PLCXD3: variants seen among roughly 807,000 people sequenced by gnomAD.
The protein encoded by PLCXD3 is PI-PLC X domain-containing protein 3.
PLCXD3 carries 19 observed loss-of-function variants against 25.5 expected under a neutral mutation model. The ratio of observed to expected loss-of-function variants is 0.75; its 90% confidence interval spans 0.52 to 1.09. The LOEUF (loss-of-function observed/expected upper bound fraction) is 1.09. Among genes scored for constraint, PLCXD3 ranks in the 50% least tolerant of loss-of-function variants. The probability of loss-of-function intolerance (pLI) is 0.00; values close to 1 mark genes in which losing one functional copy is unlikely to be tolerated. For missense variants in PLCXD3, 411 were observed against 388.1 expected, an observed-to-expected ratio of 1.06 and a Z score of -0.50; for synonymous variants, 174 against 137.6, an observed-to-expected ratio of 1.26 and a Z score of -1.85.
intron 1 of PLCXD3, among the ~76,000 whole-genome samples, chr5:41,474,787 A>T (rs777409030): frequency 2.0e-5 from 3 of 152,190 alleles, no homozygotes; most frequent in Non-Finnish European, 2.9e-5. Context: ...GACTACAGTA[A>T]TTCCCTGTAA....
At chr5:41,483,997 G>A (rs1748465887) in intron 1 of PLCXD3, among the ~76,000 whole-genome samples, 1 of 151,960 alleles carries the variant, frequency 6.6e-6, no homozygotes, top group African/African-American at 2.4e-5. Context: ...CTCATTTTGA[G>A]GAGGCAATTA....
chr5:41,459,324 T>TA (rs905110309), intron 1 of PLCXD3, among the ~76,000 whole-genome samples: 1 of 151,834 alleles, frequency 6.6e-6, no homozygotes, highest in Non-Finnish European at 1.5e-5. Context: ...AATGTTATTT[T>TA]AAAAAATCAT....
chr5:41,489,454 C>G (rs528017497), intron 1 of PLCXD3, among the ~76,000 whole-genome samples: 51 of 152,076 alleles, frequency 3.4e-4, no homozygotes, highest in African/African-American at 1.2e-3. Context: ...TAGTTTTTTC[C>G]AATTCTGTGA....
chr5:41,404,764 T>G (rs1265766428), intron 1 of PLCXD3, among the ~76,000 whole-genome samples: 1 of 152,170 alleles, frequency 6.6e-6, no homozygotes, highest in East Asian at 1.9e-4. Context: ...TAATCCCATT[T>G]CAAATTCTAC....
intron 1 of PLCXD3, among the ~76,000 whole-genome samples, chr5:41,472,392 A>G (rs1748185497): frequency 6.6e-6 from 1 of 152,126 alleles, no homozygotes; most frequent in African/African-American, 2.4e-5. Context: ...TTCTCTAACT[A>G]TACTGTTTTT....
intron 1 of PLCXD3, among the ~76,000 whole-genome samples, chr5:41,485,296 T>C (rs1012320298): frequency 1.3e-5 from 2 of 152,160 alleles, no homozygotes; most frequent in Admixed American, 6.6e-5. Flanking sequence ...ATGCAGATGT[T>C]TGGAAGATAG....
chr5:41,348,607 A>C (rs1477724442), intron 2 of PLCXD3, among the ~76,000 whole-genome samples: 1 of 152,206 alleles, frequency 6.6e-6, no homozygotes, highest in African/African-American at 2.4e-5. Flanking sequence ...ATATAAGATG[A>C]CCACTTACAA....
At chr5:41,394,845 A>C (rs1745948071) in intron 1 of PLCXD3, among the ~76,000 whole-genome samples, 1 of 152,206 alleles carries the variant, frequency 6.6e-6, no homozygotes, top group South Asian at 2.1e-4. Flanking sequence ...ATCAGAGCTA[A>C]AGAAAGATAT....
In PLCXD3 at chr5:41,428,392, TTG is replaced by T. The variant is rs796838141; in HGVS notation, c.104-45860_104-45859del. On this transcript the variant is annotated intron_variant, in intron 1 of 2. Coordinates refer to ENST00000377801, the MANE Select transcript of PLCXD3 (RefSeq NM_001005473.3). The stretch of plus-strand genomic sequence containing the variant: ...AAAATGAGTTTTTTTGTTTTTGTTT[TTG>T]TTTTTTTTAGGGTGGGCCCTAATCC... Among the ~76,000 whole-genome samples the T allele has an allele frequency of 9.6e-5, 14 of 145,962 alleles. 2 individuals carry two copies. Among genetic ancestry groups the T allele is most frequent in the South Asian group, 2.2e-4 (1 of 4,620 alleles).
chr5:41,477,419 C>G (rs1378531651), intron 1 of PLCXD3, among the ~76,000 whole-genome samples: 1 of 152,108 alleles, frequency 6.6e-6, no homozygotes, highest in Non-Finnish European at 1.5e-5. Context: ...ACCTGTCGCT[C>G]CTGGTTCAAA....
At chr5:41,444,766 A>G (rs1747457835) in intron 1 of PLCXD3, among the ~76,000 whole-genome samples, 1 of 152,292 alleles carries the variant, frequency 6.6e-6, no homozygotes, top group Non-Finnish European at 1.5e-5. Flanking sequence ...GCAGAGACAC[A>G]AGAAAATTAC....
At chr5:41,350,746 A>G (rs1335887168) in intron 2 of PLCXD3, among the ~76,000 whole-genome samples, 1 of 152,238 alleles carries the variant, frequency 6.6e-6, no homozygotes, top group African/African-American at 2.4e-5. Flanking sequence ...TATGAAGTAC[A>G]GTAATTATAA....
chr5:41,508,206 T>C (rs1749094022), intron 1 of PLCXD3, among the ~76,000 whole-genome samples: 1 of 152,192 alleles, frequency 6.6e-6, no homozygotes, highest in Non-Finnish European at 1.5e-5. Flanking sequence ...GTCATCATCT[T>C]TATGTCTGTA....
chr5:41,456,573 T>C (rs1480987069), intron 1 of PLCXD3: 4 of 945,618 alleles, frequency 4.2e-6, no homozygotes, highest in East Asian at 2.3e-4. Flanking sequence ...GGAAAGTAGA[T>C]GTTTGTGTCC....
intron 1 of PLCXD3, among the ~76,000 whole-genome samples, chr5:41,403,006 T>C (rs1200614478): frequency 6.6e-6 from 1 of 152,130 alleles, no homozygotes; most frequent in Non-Finnish European, 1.5e-5. Context: ...AAGTATTCAC[T>C]GCTATGGTTA....
At chr5:41,483,414 A>G (rs1253497971) in intron 1 of PLCXD3, among the ~76,000 whole-genome samples, 1 of 152,200 alleles carries the variant, frequency 6.6e-6, no homozygotes, top group African/African-American at 2.4e-5. Context: ...GGTGAGATTT[A>G]GCAAGTTATT....
rs559570020 is a variant in PLCXD3, at chr5:41,345,689, C to T, written c.813-31919G>A. The stretch of plus-strand genomic sequence containing the variant: ...ATTTATACATACATATGTGTACACA[C>T]ACACACACACACACACACACACACA... On this transcript the variant is annotated intron_variant, in intron 2 of 2. Coordinates refer to ENST00000377801, the MANE Select transcript of PLCXD3 (RefSeq NM_001005473.3). Among the ~76,000 whole-genome samples, 326 of 117,158 alleles carry T rather than the reference C, an allele frequency of 2.8e-3. 4 individuals carry two copies. Among genetic ancestry groups the T allele is most frequent in the African/African-American group, 0.012 (310 of 26,622 alleles). The allele number at this position is 117,158 out of a possible 152,430, so 76.9% of individuals were successfully genotyped here.
At chr5:41,409,069 T>C (rs115260650) in intron 1 of PLCXD3, among the ~76,000 whole-genome samples, 2,776 of 152,326 alleles carry the variant, frequency 0.018, 27 homozygotes, top group Non-Finnish European at 0.027. Context: ...TGTGTCATTA[T>C]TTTGCCTTAG....
chr5:41,361,092 G>T (rs1159969743), intron 2 of PLCXD3, among the ~76,000 whole-genome samples: 3 of 151,982 alleles, frequency 2.0e-5, no homozygotes, highest in East Asian at 1.9e-4. Context: ...TGCTGTGGGG[G>T]ATGGGGGTGT....
Sources: gnomAD v4.1 joint callset for allele counts (sites outside exome capture counted in the v4.1 genomes callset) on GRCh38, gnomAD v4.1.1 for gene constraint, MANE v1.5 for transcripts, NCBI Gene and HGNC (gene_info 2026-07-23, HGNC 2026-07-21) for gene names.